The following NXPE4 variants were observed in gnomAD, a reference collection of about 807,000 sequenced individuals.
The protein encoded by NXPE4 is NXPE family member 4.
NXPE4 carries 42 observed loss-of-function variants against 33.3 expected under a neutral mutation model. The ratio of observed to expected loss-of-function variants is 1.26; its 90% CI spans 0.98 to 1.63. The LOEUF (loss-of-function observed/expected upper bound fraction) is 1.63, where lower values mean the gene tolerates loss of function less well. NXPE4 is among the 40% of genes most tolerant of loss of function. NXPE4 has a pLI of 0.00. For synonymous variants in NXPE4, 253 were observed against 234.9 expected (o/e 1.08, Z -0.71); for missense variants, 709 against 647.6 (o/e 1.09, Z -1.03).
At chr11:114,580,446 G>A (rs1466864875) in intron 4 of NXPE4, 108 bp from the exon 5 acceptor site, 1 of 857,092 alleles carries the variant, frequency 1.2e-6, no homozygotes, top group South Asian at 1.6e-5. Flanking sequence ...TAAGGTGGTG[G>A]TAATGGTGGA....
the NXPE4 span, among the ~76,000 whole-genome samples, chr11:114,643,538 G>A: frequency 6.6e-6 from 1 of 151,944 alleles, no homozygotes; most frequent in South Asian, 2.1e-4. Flanking sequence ...GCTTGTTTTT[G>A]TCAGGTTTGT....
the NXPE4 span, among the ~76,000 whole-genome samples, chr11:114,639,194 A>G: frequency 2.0e-5 from 3 of 152,018 alleles, no homozygotes; most frequent in Non-Finnish European, 4.4e-5. Flanking sequence ...CCCCAGCCTC[A>G]CTGCCGCCTT....
At chr11:114,585,279 G>T (rs1949264720) in intron 2 of NXPE4, among the ~76,000 whole-genome samples, 1 of 151,626 alleles carries the variant, frequency 6.6e-6, no homozygotes, top group South Asian at 2.1e-4. Context: ...TTATTTTTGT[G>T]AGACTCTGTA....
intron 5 of NXPE4, among the ~76,000 whole-genome samples, chr11:114,572,176 CCA>C (rs1322810484): frequency 6.6e-6 from 1 of 152,110 alleles, no homozygotes; most frequent in African/African-American, 2.4e-5. Flanking sequence ...GGGGATTAAA[CCA>C]CATCAAGGGA....
At chr11:114,615,898 T>C in the NXPE4 span, among the ~76,000 whole-genome samples, 2 of 151,606 alleles carry the variant, frequency 1.3e-5, no homozygotes, top group Admixed American at 1.3e-4. Flanking sequence ...TGTTGCCTCG[T>C]GGGTAACCAC....
the NXPE4 span, among the ~76,000 whole-genome samples, chr11:114,637,753 G>A: frequency 5.9e-5 from 9 of 151,596 alleles, no homozygotes; most frequent in East Asian, 3.9e-4. Context: ...GAAATTCTGG[G>A]TTGAAAATTC....
rs143990896 is a variant in NXPE4, at chr11:114,574,925, T to C, written c.1100-3452A>G. Among the ~76,000 whole-genome samples the C allele has an allele frequency of 4.6e-5, 7 of 152,184 alleles. No homozygotes were observed. The East Asian group carries it at 9.7e-4, about 21-fold the overall frequency. On this transcript the variant is annotated intron_variant, in intron 5 of 5. Transcript: ENST00000375478. The stretch of plus-strand genomic sequence containing the variant: ...AGACCAGTAACATCCCTTATGAACA[T>C]AGATGCTAAAATCCTCACCAAAATA...
chr11:114,640,755 T>C, the NXPE4 span, among the ~76,000 whole-genome samples: 8 of 152,020 alleles, frequency 5.3e-5, no homozygotes, highest in Non-Finnish European at 8.8e-5. Flanking sequence ...TATGTCTTCT[T>C]TTGAAAAATG....
the NXPE4 span, among the ~76,000 whole-genome samples, chr11:114,674,933 A>G: frequency 3.3e-5 from 5 of 151,868 alleles, no homozygotes; most frequent in Non-Finnish European, 5.9e-5. Context: ...ATTCAATAGC[A>G]CATTGAAAGA....
the NXPE4 span, among the ~76,000 whole-genome samples, chr11:114,677,953 T>A: frequency 6.6e-6 from 1 of 152,118 alleles, no homozygotes; most frequent in Non-Finnish European, 1.5e-5. Context: ...TTTTGGATTC[T>A]CTTACCTTGT....
intron 5 of NXPE4, among the ~76,000 whole-genome samples, chr11:114,572,184 A>T (rs1948906627): frequency 1.3e-5 from 2 of 152,148 alleles, no homozygotes; most frequent in Non-Finnish European, 2.9e-5. Flanking sequence ...AACCACATCA[A>T]GGGAGCACCC....
the NXPE4 span, among the ~76,000 whole-genome samples, chr11:114,602,004 GTATTA>G: frequency 1.3e-3 from 101 of 74,862 alleles, no homozygotes; most frequent in African/African-American, 4.0e-3. Context: ...TGTATCTAAT[GTATTA>G]TATTATATAT....
chr11:114,582,613 G>C lies in NXPE4; in HGVS notation c.505C>G (p.Leu169Val), dbSNP rs373086041. The C allele has an allele frequency of 6.2e-7, 1 of 1,614,144 alleles. No homozygotes were observed. ...NNGTYLVSFT[L>V]FWEGQVSLSL... Reference sequence around the variant, plus strand: ...AGAGAGACCTGGCCCTCCCAGAACAGAGTGAAGCTGACCAGGTAGGTGCCG... The same window carrying C: ...AGAGAGACCTGGCCCTCCCAGAACACAGTGAAGCTGACCAGGTAGGTGCCG... The change falls in exon 3 of 6, where the codon CTG becomes GTG. Residue 169 changes from leucine (L) to valine (V), a missense_variant. Transcript: ENST00000375478.
At chr11:114,576,417 C>T (rs963952656) in intron 5 of NXPE4, among the ~76,000 whole-genome samples, 2 of 151,980 alleles carry the variant, frequency 1.3e-5, no homozygotes, top group Admixed American at 1.3e-4. Context: ...ACAGACAACT[C>T]ACAGAGTGGG....
At chr11:114,666,539 A>G in the NXPE4 span, among the ~76,000 whole-genome samples, 4 of 152,134 alleles carry the variant, frequency 2.6e-5, no homozygotes, top group African/African-American at 9.6e-5. Flanking sequence ...TTTTTCAGAA[A>G]TGGTAAAATG....
At chr11:114,637,232 T>C in the NXPE4 span, among the ~76,000 whole-genome samples, 1 of 151,900 alleles carries the variant, frequency 6.6e-6, no homozygotes, top group African/African-American at 2.4e-5. Context: ...CTTCTTTGTC[T>C]CTTTTGATCT....
At chr11:114,614,562 T>C in the NXPE4 span, among the ~76,000 whole-genome samples, 8 of 151,046 alleles carry the variant, frequency 5.3e-5, no homozygotes, top group Non-Finnish European at 8.9e-5. Context: ...AATGTTACCT[T>C]GTGGGTAACT....
intron 2 of NXPE4, among the ~76,000 whole-genome samples, chr11:114,590,809 G>T (rs1469436817): frequency 6.6e-6 from 1 of 152,118 alleles, no homozygotes; most frequent in African/African-American, 2.4e-5. Flanking sequence ...ATTAACCCTG[G>T]GAAATGGTTT....
intron 5 of NXPE4, among the ~76,000 whole-genome samples, chr11:114,578,045 A>T (rs1335897395): frequency 2.6e-5 from 4 of 152,192 alleles, no homozygotes; most frequent in African/African-American, 7.2e-5. Context: ...TTTTCATCAC[A>T]TTAATTAGAC....
Sources: gnomAD v4.1 joint callset for allele counts (sites outside exome capture counted in the v4.1 genomes callset) on GRCh38, gnomAD v4.1.1 for gene constraint, MANE v1.5 for transcripts, NCBI Gene and HGNC (gene_info 2026-07-23, HGNC 2026-07-21) for gene names.